KPNA6: variants seen among roughly 807,000 people sequenced by gnomAD.
The protein encoded by KPNA6 is karyopherin subunit alpha 6.
KPNA6 carries 9 observed loss-of-function variants against 72.0 expected under a neutral mutation model. The observed-to-expected ratio is 0.13, with a 90% CI of 0.08 to 0.22. The LOEUF is 0.22. Among genes scored for constraint, KPNA6 ranks in the 10% least tolerant of loss-of-function variants. The probability of loss-of-function intolerance (pLI) is 1.00; values close to 1 mark genes in which losing one functional copy is unlikely to be tolerated. For missense variants in KPNA6, 374 were observed against 655.7 expected (o/e 0.57, Z 4.69); for synonymous variants, 219 against 242.1 (o/e 0.90, Z 0.89).
chr1:32,121,166 C>G (rs1462504070), intron 1 of KPNA6, among the ~76,000 whole-genome samples: 8 of 152,172 alleles, frequency 5.3e-5, no homozygotes, highest in Admixed American at 5.2e-4. Context: ...GCTACTGCTC[C>G]TGGCCGTACC....
At chr1:32,109,486 GTT>G (rs559636567) in intron 1 of KPNA6, among the ~76,000 whole-genome samples, 2 of 144,638 alleles carry the variant, frequency 1.4e-5, no homozygotes, top group Admixed American at 6.9e-5. Context: ...TTTTTGTTTT[GTT>G]TTTTTTTTTA....
intron 1 of KPNA6, 146 bp downstream of exon 1, chr1:32,108,280 C>T (rs150331125): frequency 2.5e-6 from 3 of 1,217,988 alleles, no homozygotes; most frequent in Non-Finnish European, 3.5e-6. Context: ...GGGAGTGCCC[C>T]TCTTGCCAGT....
At chr1:32,170,474 A>G (rs1642415591) in intron 13 of KPNA6, among the ~76,000 whole-genome samples, 1 of 152,142 alleles carries the variant, frequency 6.6e-6, no homozygotes, top group African/African-American at 2.4e-5. Context: ...TTCTAGTTTA[A>G]AGCAGAATCA....
chr1:32,116,612 C>A (rs192456900), intron 1 of KPNA6, among the ~76,000 whole-genome samples: 1 of 151,912 alleles, frequency 6.6e-6, no homozygotes, highest in African/African-American at 2.4e-5. Flanking sequence ...GAGCTGAGAT[C>A]GCACCATTAC....
At chr1:32,169,814 C>A in intron 12 of KPNA6, 68 bp from the exon 13 acceptor site, 1 of 1,411,366 alleles carries the variant, frequency 7.1e-7, no homozygotes. Context: ...GCTGAGAGTT[C>A]AGAGCACCTG....
At chr1:32,131,016 G>A (rs1402016433) in intron 1 of KPNA6, among the ~76,000 whole-genome samples, 3 of 151,780 alleles carry the variant, frequency 2.0e-5, no homozygotes, top group African/African-American at 4.8e-5. Flanking sequence ...ATAGTGGGCC[G>A]GGCACAGTGG....
At chr1:32,148,894 A>G (rs574918886) in intron 1 of KPNA6, among the ~76,000 whole-genome samples, 7 of 151,186 alleles carry the variant, frequency 4.6e-5, no homozygotes, top group South Asian at 2.1e-4. Context: ...GATCTTGCCT[A>G]TGTTGCCTAG....
At position 32,157,326 on chromosome 1, in the gene KPNA6, A is replaced by G; in HGVS notation, c.232-20A>G. 6.3e-7 allele frequency: 1 copy of G among 1,599,256 alleles called. No individual in the cohort carries two copies. Among genetic ancestry groups the G allele is most frequent in the South Asian group, 1.1e-5 (1 of 90,710 alleles). On this transcript the variant is annotated intron_variant, in intron 3 of 13. Transcript: ENST00000373625. ...CTCTAATGTTGGTTTGCAAAGTCCT[A>G]AACTTGTTTTATGTTCTAGGAGAGT...
At chr1:32,130,222 A>ATT (rs55953899) in intron 1 of KPNA6, among the ~76,000 whole-genome samples, 1,701 of 103,060 alleles carry the variant, frequency 0.017, 42 homozygotes, top group African/African-American at 0.055. Context: ...GTAGATAAAT[A>ATT]TTTTTTTTTT....
At chr1:32,160,480 C>T (rs1642218365) in intron 6 of KPNA6, 135 bp from the exon 7 acceptor site, 4 of 668,496 alleles carry the variant, frequency 6.0e-6, no homozygotes, top group East Asian at 2.8e-5. Context: ...AGGGAGGTTA[C>T]CTGAGCTTGT....
At position 32,173,706 on chromosome 1, in the gene KPNA6, A is replaced by G. The variant is rs896116549; in HGVS notation, c.*2812A>G. On this transcript the variant is annotated 3_prime_UTR_variant, in exon 14 of 14. Transcript: ENST00000373625. Reference sequence around the variant, plus strand: ...CAGGCTTGAGAGCCACTGTTTGTGGACAGTCTTCATCTAGATTCCATACCC... The same window carrying G: ...CAGGCTTGAGAGCCACTGTTTGTGGGCAGTCTTCATCTAGATTCCATACCC... 1.3e-5 allele frequency: 2 copies of G among 152,218 alleles called. No homozygotes were observed. Among genetic ancestry groups the G allele is most frequent in the African/African-American group, 4.8e-5 (2 of 41,450 alleles). 9.4% of individuals were successfully genotyped at this position (152,218 alleles called of 1,614,324 possible).
chr1:32,135,829 G>A (rs1045234467), intron 1 of KPNA6, among the ~76,000 whole-genome samples: 2 of 151,262 alleles, frequency 1.3e-5, no homozygotes. Flanking sequence ...TGTGCTAGTG[G>A]TTGCCCAGCT....
At chr1:32,128,100 G>A (rs1641565652) in intron 1 of KPNA6, among the ~76,000 whole-genome samples, 1 of 151,968 alleles carries the variant, frequency 6.6e-6, no homozygotes, top group Non-Finnish European at 1.5e-5. Context: ...GTGGTACCTA[G>A]TGGTAGTGGC....
intron 4 of KPNA6, among the ~76,000 whole-genome samples, chr1:32,157,858 AT>A (rs1203761746): frequency 2.0e-5 from 3 of 152,168 alleles, no homozygotes; most frequent in Admixed American, 6.5e-5. Flanking sequence ...GTGGCACACC[AT>A]AGGTACTTAA....
intron 1 of KPNA6, among the ~76,000 whole-genome samples, chr1:32,117,361 A>G (rs1240248570): frequency 1.3e-5 from 2 of 151,886 alleles, no homozygotes. Context: ...TTTAGTAGAG[A>G]TGGGGTTTTA....
At chr1:32,121,927 C>T (rs1015297664) in intron 1 of KPNA6, among the ~76,000 whole-genome samples, 4 of 151,964 alleles carry the variant, frequency 2.6e-5, no homozygotes, top group East Asian at 3.9e-4. Context: ...GAACTGAGAT[C>T]GTGCCACTGC....
intron 11 of KPNA6, 40 bp downstream of exon 11, chr1:32,166,270 A>C (rs1165038029): frequency 6.3e-7 from 1 of 1,589,666 alleles, no homozygotes; most frequent in East Asian, 2.2e-5. Context: ...GGGAAGTCAT[A>C]GGAACTTGGG....
chr1:32,173,137 C>G lies in KPNA6; in HGVS notation c.*2243C>G. 2.5e-6 allele frequency: 1 copy of G among 392,806 alleles called. No homozygotes were observed. The highest frequency in any genetic ancestry group is 3.6e-5 in the East Asian group (1 of 27,732). The allele number at this position is 392,806 out of a possible 1,614,324, so 24.3% of individuals were successfully genotyped here. A position where few individuals can be genotyped will look rare whatever the true frequency, so the allele number is the denominator to read the frequency against. The stretch of plus-strand genomic sequence containing the variant: ...GGGCAGAATCTTTTTTTCACTTGGC[C>G]TGCTACCTCCATTAAAAAACCATTC... On this transcript the variant is annotated 3_prime_UTR_variant, in exon 14 of 14. Coordinates refer to ENST00000373625, the MANE Select transcript of KPNA6 (RefSeq NM_012316.5).
rs1033950428 is a variant in KPNA6 at position 32,173,886 on chromosome 1, G to C, written c.*2992G>C. 6.6e-6 allele frequency: 1 copy of C among 152,278 alleles called. No individual in the cohort carries two copies. Among genetic ancestry groups the C allele is most frequent in the African/African-American group, 2.4e-5 (1 of 41,438 alleles). 9.4% of individuals were successfully genotyped at this position (152,278 alleles called of 1,614,324 possible). ...CTATCCTTTTTAAGATCTCTGGTTGGGGGTATCTGGATATGGATTAGGAGG... is the reference window on the plus strand; with the variant it reads ...CTATCCTTTTTAAGATCTCTGGTTGCGGGTATCTGGATATGGATTAGGAGG... On this transcript the variant is annotated 3_prime_UTR_variant, in exon 14 of 14. Transcript: ENST00000373625.
Sources: allele counts gnomAD v4.1 joint callset (sites outside exome capture counted in the v4.1 genomes callset), GRCh38; gene constraint gnomAD v4.1.1; transcripts MANE v1.5; gene names NCBI Gene and HGNC (gene_info 2026-07-23, HGNC 2026-07-21).